DYNC1I1: variants seen among roughly 807,000 people sequenced by gnomAD.
DYNC1I1 encodes the protein dynein cytoplasmic 1 intermediate chain 1, also known as cytoplasmic dynein 1 intermediate chain 1.
DYNC1I1 carries 43 observed loss-of-function variants against 86.6 expected under a neutral mutation model. That is an observed-to-expected ratio of 0.50 (90% CI 0.39 to 0.64). The LOEUF (loss-of-function observed/expected upper bound fraction) is 0.64, where lower values mean the gene tolerates loss of function less well. DYNC1I1 is among the 30% of genes least tolerant of loss of function. The pLI, the probability that DYNC1I1 is intolerant of heterozygous loss-of-function variation, is 0.00. For missense variants in DYNC1I1, 604 were observed against 788.8 expected (o/e 0.77, Z 2.81); for synonymous variants, 262 against 283.7 (o/e 0.92, Z 0.77).
intron 16 of DYNC1I1, among the ~76,000 whole-genome samples, chr7:96,104,670 A>T (rs181140129): frequency 1.0e-3 from 155 of 152,200 alleles, no homozygotes; most frequent in African/African-American, 3.6e-3. Context: ...TGGTAGAAAA[A>T]CAATTGTCCA....
intron 8 of DYNC1I1, 98 bp downstream of exon 8, chr7:95,985,075 C>T: frequency 6.6e-7 from 1 of 1,526,388 alleles, no homozygotes; most frequent in Non-Finnish European, 8.8e-7. Flanking sequence ...ATTAAGAAAT[C>T]AGAGGAGGGT....
intron 6 of DYNC1I1, among the ~76,000 whole-genome samples, chr7:95,958,108 G>A (rs558136325): frequency 4.6e-5 from 7 of 152,278 alleles, no homozygotes; most frequent in African/African-American, 1.7e-4. Flanking sequence ...GATACCAGTA[G>A]CAACCACCTA....
chr7:95,830,086 A>T (rs1795287860), intron 5 of DYNC1I1, among the ~76,000 whole-genome samples: 1 of 152,048 alleles, frequency 6.6e-6, no homozygotes, highest in Non-Finnish European at 1.5e-5. Context: ...AATTTCAAAT[A>T]TTGCCTTAAT....
In DYNC1I1 at chr7:95,917,490, GCT is replaced by G. The variant is rs1584157839; in HGVS notation, c.490+47493_490+47494del. 5.3e-5 allele frequency among the ~76,000 whole-genome samples: 8 copies of G among 152,170 alleles called. No homozygotes were observed. In the South Asian group the frequency reaches 1.7e-3, roughly 32 times the overall value. ...TCCCGAGTACCCTTCCAAAGAAAAT[GCT>G]ATGCTTAAGCACCTCCTCCTGAGAC... On this transcript the variant is annotated intron_variant, in intron 6 of 16. Coordinates refer to ENST00000447467, the MANE Select transcript of DYNC1I1 (RefSeq NM_001135556.2).
At chr7:95,893,480 TA>T (rs1225284684) in intron 6 of DYNC1I1, among the ~76,000 whole-genome samples, 1 of 152,214 alleles carries the variant, frequency 6.6e-6, no homozygotes, top group African/African-American at 2.4e-5. Context: ...TTTAAATATC[TA>T]AAAATGACAA....
chr7:96,014,542 G>A (rs1056291873), intron 10 of DYNC1I1, among the ~76,000 whole-genome samples: 4 of 152,176 alleles, frequency 2.6e-5, no homozygotes, highest in African/African-American at 7.2e-5. Context: ...CTCACTGTTG[G>A]TGTCATTTTC....
rs186030814 is a variant in DYNC1I1 at position 96,009,461 on chromosome 7, A to G, written c.969+13388A>G. ...ACCCCTGAGTAGCCCTGGGCCTTCC[A>G]GAACTGAAGCCAGCAGAGTCAGGGC... On this transcript the variant is annotated intron_variant, in intron 10 of 16. Coordinates refer to ENST00000447467, the MANE Select transcript of DYNC1I1 (RefSeq NM_001135556.2). Among the ~76,000 whole-genome samples, 230 of 152,302 alleles carry G rather than the reference A, an allele frequency of 1.5e-3. 5 individuals are homozygous for G. Among genetic ancestry groups the G allele is most frequent in the Admixed American group, 6.1e-3 (94 of 15,296 alleles).
intron 6 of DYNC1I1, among the ~76,000 whole-genome samples, chr7:95,872,243 C>G (rs1295499357): frequency 6.6e-6 from 1 of 152,168 alleles, no homozygotes; most frequent in East Asian, 1.9e-4. Flanking sequence ...CTTTCAGCGG[C>G]AGGAAACAAC....
chr7:95,959,639 C>A (rs912426330), intron 6 of DYNC1I1, among the ~76,000 whole-genome samples: 4 of 152,118 alleles, frequency 2.6e-5, no homozygotes, highest in Non-Finnish European at 5.9e-5. Flanking sequence ...TTAAAACCTT[C>A]AATTGTAAAA....
At chr7:96,079,703 G>A (rs989679944) in intron 15 of DYNC1I1, among the ~76,000 whole-genome samples, 1 of 152,174 alleles carries the variant, frequency 6.6e-6, no homozygotes, top group African/African-American at 2.4e-5. Context: ...TGGAGACAGT[G>A]CCAAAGTTGT....
chr7:96,099,271 T>C (rs569444915), downstream of DYNC1I1, among the ~76,000 whole-genome samples: 3 of 152,304 alleles, frequency 2.0e-5, no homozygotes, highest in South Asian at 6.2e-4. Context: ...CATGTGTTCT[T>C]ATATATCCCA....
At chr7:95,997,072 A>T (rs1735446627) in intron 10 of DYNC1I1, among the ~76,000 whole-genome samples, 1 of 152,224 alleles carries the variant, frequency 6.6e-6, no homozygotes, top group African/African-American at 2.4e-5. Context: ...TCCCAGCCTC[A>T]ACCTGATTGA....
chr7:95,980,026 A>G (rs900244625), intron 7 of DYNC1I1, among the ~76,000 whole-genome samples: 4 of 152,094 alleles, frequency 2.6e-5, no homozygotes, highest in Admixed American at 2.6e-4. Flanking sequence ...GTGTCTTGGC[A>G]TGGATTCCCC....
At chr7:96,020,938 T>C (rs896041975) in intron 10 of DYNC1I1, among the ~76,000 whole-genome samples, 4 of 152,034 alleles carry the variant, frequency 2.6e-5, no homozygotes, top group Admixed American at 6.6e-5. Flanking sequence ...GTACCTCAAG[T>C]AGTCAAATTT....
At chr7:95,878,956 A>AG (rs1790379577) in intron 6 of DYNC1I1, among the ~76,000 whole-genome samples, 1 of 151,546 alleles carries the variant, frequency 6.6e-6, no homozygotes, top group Non-Finnish European at 1.5e-5. Context: ...AAGAAGAAAA[A>AG]AAAAAAAACA....
At chr7:96,028,463 A>C in intron 11 of DYNC1I1, 142 bp downstream of exon 11, 1 of 1,173,352 alleles carries the variant, frequency 8.5e-7, no homozygotes, top group Non-Finnish European at 1.1e-6. Flanking sequence ...ACCAGCTAAA[A>C]GTTGAGTGAA....
intron 6 of DYNC1I1, among the ~76,000 whole-genome samples, chr7:95,952,023 A>T (rs1454258447): frequency 1.3e-5 from 2 of 152,158 alleles, no homozygotes; most frequent in Non-Finnish European, 2.9e-5. Flanking sequence ...TTTATTTAAT[A>T]AGGCTCTGAT....
chr7:96,064,210 ATCTCTCTC>A (rs10557179), intron 14 of DYNC1I1, among the ~76,000 whole-genome samples: 7,412 of 140,958 alleles, frequency 0.053, 248 homozygotes, highest in African/African-American at 0.099. Flanking sequence ...AAATATTCAT[ATCTCTCTC>A]TCTCTCTCTC....
At chr7:95,873,696 CAGAT>C (rs1463379172) in intron 6 of DYNC1I1, among the ~76,000 whole-genome samples, 1 of 152,172 alleles carries the variant, frequency 6.6e-6, no homozygotes, top group Non-Finnish European at 1.5e-5. Context: ...ACAAGGGCTA[CAGAT>C]AGAGAACTGG....
Sources: allele counts gnomAD v4.1 joint callset (sites outside exome capture counted in the v4.1 genomes callset), GRCh38; gene constraint gnomAD v4.1.1; transcripts MANE v1.5; gene names NCBI Gene and HGNC (gene_info 2026-07-23, HGNC 2026-07-21).